PTBP3: variants seen among roughly 807,000 people sequenced by gnomAD.
PTBP3 encodes the protein polypyrimidine tract-binding protein 3.
A neutral mutation model predicts 58.7 loss-of-function variants in PTBP3; 20 were observed. The observed-to-expected ratio is 0.34, with a 90% confidence interval of 0.24 to 0.50. The LOEUF (loss-of-function observed/expected upper bound fraction) is 0.50, where lower values mean the gene tolerates loss of function less well. Ranked by LOEUF, PTBP3 falls within the 20% of genes least tolerant of loss-of-function variation. PTBP3 has a pLI of 0.98. For missense variants in PTBP3, 509 were observed against 637.2 expected, an observed-to-expected ratio of 0.80 and a Z score of 2.17; for synonymous variants, 185 against 219.8, an observed-to-expected ratio of 0.84 and a Z score of 1.40.
chr9:112,331,493 G>C (rs912967863), intron 1 of PTBP3, among the ~76,000 whole-genome samples: 1 of 152,166 alleles, frequency 6.6e-6, no homozygotes, highest in African/African-American at 2.4e-5. Context: ...AATGACTCTA[G>C]ATGATGTAAA....
At chr9:112,312,866 A>T (rs1302955444) in intron 1 of PTBP3, among the ~76,000 whole-genome samples, 1 of 151,968 alleles carries the variant, frequency 6.6e-6, no homozygotes, top group Non-Finnish European at 1.5e-5. Context: ...CAACATGGCG[A>T]AACCCTGTTT....
intron 2 of PTBP3, among the ~76,000 whole-genome samples, chr9:112,282,312 C>G (rs1827906144): frequency 6.6e-6 from 1 of 152,052 alleles, no homozygotes; most frequent in Admixed American, 6.6e-5. Flanking sequence ...ATTTTATTTA[C>G]CACATAAACA....
At chr9:112,322,964 C>G (rs1302494498) in intron 1 of PTBP3, among the ~76,000 whole-genome samples, 1 of 152,204 alleles carries the variant, frequency 6.6e-6, no homozygotes, top group Non-Finnish European at 1.5e-5. Context: ...AAGCAAACAT[C>G]TGAACAGGTG....
At chr9:112,296,830 C>A (rs771141928) in intron 2 of PTBP3, among the ~76,000 whole-genome samples, 11 of 152,112 alleles carry the variant, frequency 7.2e-5, no homozygotes, top group Non-Finnish European at 1.6e-4. Flanking sequence ...TTATCTAAGT[C>A]CAAGTTCAAA....
chr9:112,221,160 A>G lies in PTBP3; in HGVS notation c.*2691T>C, dbSNP rs1461434461. On this transcript the variant is annotated 3_prime_UTR_variant, in exon 14 of 14. Transcript: ENST00000374257. ...CTATTTTAAAACAAGAACATCCCAC[A>G]TCTCCAAATCTTAATTTGGTTAATT... The G allele has an allele frequency of 1.0e-6, 1 of 985,652 alleles. No individual in the cohort carries two copies. Among genetic ancestry groups the G allele is most frequent in the African/African-American group, 1.7e-5 (1 of 57,250 alleles). The allele number at this position is 985,652 out of a possible 1,614,324, so 61.1% of individuals were successfully genotyped here.
At chr9:112,273,091 T>C (rs181038936) in intron 3 of PTBP3, among the ~76,000 whole-genome samples, 5 of 152,256 alleles carry the variant, frequency 3.3e-5, no homozygotes, top group Admixed American at 3.3e-4. Context: ...AGTGAACCAA[T>C]GAAATGCTCC....
intron 2 of PTBP3, among the ~76,000 whole-genome samples, chr9:112,293,189 C>A (rs1381983793): frequency 2.6e-5 from 4 of 152,002 alleles, no homozygotes; most frequent in Non-Finnish European, 5.9e-5. Context: ...AAAAAACTAA[C>A]TTATGATGTT....
intron 1 of PTBP3, among the ~76,000 whole-genome samples, chr9:112,308,348 A>AT (rs1305230481): frequency 7.1e-5 from 5 of 70,448 alleles, no homozygotes; most frequent in Non-Finnish European, 1.0e-4. Flanking sequence ...TACTCCTTTT[A>AT]TTTAAAAAAA....
chr9:112,251,840 A>G (rs1836132139), intron 6 of PTBP3, among the ~76,000 whole-genome samples: 1 of 152,168 alleles, frequency 6.6e-6, no homozygotes. Flanking sequence ...GGTAATTGAC[A>G]AGTATGCCAT....
At position 112,231,403 on chromosome 9, in the gene PTBP3, GGT is replaced by G. The variant is rs762080429; in HGVS notation, c.1029_1030del (p.Pro344ThrfsTer12). 1 of 1,594,992 alleles carries G rather than the reference GGT, an allele frequency of 6.3e-7. No homozygotes were observed. The highest frequency in any genetic ancestry group is 8.6e-7 in the Non-Finnish European group (1 of 1,168,954). ...ACCAAATAGGATAAAAAGCCCATGT[GGT>G]GTGATAAGCTGTAAAGGGTAACACA... On this transcript the variant is annotated frameshift_variant, in exon 10 of 14. Transcript: ENST00000374257. LOFTEE classifies it high-confidence loss of function.
At chr9:112,353,808 A>G in the PTBP3 span, among the ~76,000 whole-genome samples, 1 of 151,930 alleles carries the variant, frequency 6.6e-6, no homozygotes, top group Non-Finnish European at 1.5e-5. Flanking sequence ...ATACAAAAAA[A>G]TTAGCCAGGC....
intron 1 of PTBP3, among the ~76,000 whole-genome samples, chr9:112,328,453 C>T (rs751974870): frequency 6.6e-6 from 1 of 152,218 alleles, no homozygotes; most frequent in Non-Finnish European, 1.5e-5. Context: ...TTACAAAGTG[C>T]TTGCTAAAAG....
chr9:112,236,414 C>G, intron 7 of PTBP3, among the ~76,000 whole-genome samples: 1 of 152,068 alleles, frequency 6.6e-6, no homozygotes, highest in South Asian at 2.1e-4. Flanking sequence ...AACTTACACA[C>G]AAGCAAGCTC....
intron 1 of PTBP3, among the ~76,000 whole-genome samples, chr9:112,327,530 A>G (rs945413603): frequency 1.3e-5 from 2 of 152,254 alleles, no homozygotes; most frequent in Non-Finnish European, 2.9e-5. Context: ...ACTGCACTCC[A>G]GCCTGGGGCA....
intron 1 of PTBP3, among the ~76,000 whole-genome samples, chr9:112,321,902 A>G (rs1246629473): frequency 2.0e-5 from 3 of 152,074 alleles, no homozygotes; most frequent in Admixed American, 1.3e-4. Flanking sequence ...TTGGGAGGCC[A>G]AGGCGGGCGG....
chr9:112,223,841 C>T lies in PTBP3; in HGVS notation c.*10G>A. The T allele has an allele frequency of 6.2e-7, 1 of 1,613,268 alleles. No homozygotes were observed. Among genetic ancestry groups the T allele is most frequent in the Non-Finnish European group, 8.5e-7 (1 of 1,179,602 alleles). On this transcript the variant is annotated 3_prime_UTR_variant, in exon 14 of 14. Transcript: ENST00000374257. ...ATGGTCCAGTTTTAGGAGAAAAATT[C>T]ACAGAAAAGTCAGATTGTAGATTTT...
At chr9:112,333,086 C>G in intron 1 of PTBP3, 1 of 1,271,234 alleles carries the variant, frequency 7.9e-7, no homozygotes, top group South Asian at 2.8e-5. Context: ...GCCTCCGCCT[C>G]CCCCAGCGCC....
At chr9:112,378,483 T>C in the PTBP3 span, among the ~76,000 whole-genome samples, 1 of 152,212 alleles carries the variant, frequency 6.6e-6, no homozygotes, top group African/African-American at 2.4e-5. Flanking sequence ...GAAGATATTG[T>C]GGCTTTCAAA....
chr9:112,268,243 A>C, intron 3 of PTBP3, 48 bp from the exon 4 acceptor site: 1 of 1,565,448 alleles, frequency 6.4e-7, no homozygotes, highest in Non-Finnish European at 8.6e-7. Context: ...TTTTTGAAAG[A>C]CAGTTAAGAT....
Sources: gnomAD v4.1 joint callset for allele counts (sites outside exome capture counted in the v4.1 genomes callset) on GRCh38, gnomAD v4.1.1 for gene constraint, MANE v1.5 for transcripts, NCBI Gene and HGNC (gene_info 2026-07-23, HGNC 2026-07-21) for gene names.